The following CSMD3 variants were observed in gnomAD, a reference collection of about 807,000 sequenced individuals.
CSMD3 encodes the protein CUB and sushi domain-containing protein 3.
Under a neutral mutation model 435.2 loss-of-function variants are expected in CSMD3, and 177 were observed. The ratio of observed to expected loss-of-function variants is 0.41; its 90% CI spans 0.36 to 0.46. The LOEUF (loss-of-function observed/expected upper bound fraction) is 0.46, where lower values mean the gene tolerates loss of function less well. Ranked by LOEUF, CSMD3 falls within the 20% of genes least tolerant of loss-of-function variation. The pLI, the probability that CSMD3 is intolerant of heterozygous loss-of-function variation, is 0.34. For missense variants in CSMD3, 4,265 were observed against 4,504.6 expected (o/e 0.95, Z 1.52); for synonymous variants, 1,656 against 1,520.5 (o/e 1.09, Z -2.07).
chr8:113,016,150 G>GGCAAAA (rs2086449543), intron 6 of CSMD3, among the ~76,000 whole-genome samples: 1 of 151,604 alleles, frequency 6.6e-6, no homozygotes, highest in African/African-American at 2.4e-5. Flanking sequence ...AAACTAGGAA[G>GGCAAAA]GCAAAAGATG....
At chr8:112,441,944 A>G (rs553663191) in intron 32 of CSMD3, among the ~76,000 whole-genome samples, 1 of 152,186 alleles carries the variant, frequency 6.6e-6, no homozygotes, top group South Asian at 2.1e-4. Context: ...TTTGGTAAAC[A>G]TTTGAGTACC....
intron 1 of CSMD3, among the ~76,000 whole-genome samples, chr8:113,351,888 A>T (rs531872171): frequency 6.6e-6 from 1 of 152,318 alleles, no homozygotes; most frequent in East Asian, 1.9e-4. Flanking sequence ...CCTGCATAGA[A>T]GAATCTTTCA....
chr8:113,161,069 A>G (rs1309829598), intron 4 of CSMD3, among the ~76,000 whole-genome samples: 3 of 152,118 alleles, frequency 2.0e-5, no homozygotes, highest in African/African-American at 4.8e-5. Flanking sequence ...ACTAAGGTCA[A>G]TATAATAGTC....
Position 112,824,100 on chromosome 8 carries a change from T to C in CSMD3, c.1859+5586A>G, listed in dbSNP as rs536419377. On this transcript the variant is annotated intron_variant, in intron 12 of 70. Coordinates refer to ENST00000297405, the MANE Select transcript of CSMD3 (RefSeq NM_198123.2). ...ATACCCTTCTTTGTCTTTTTTTATC[T>C]TTGTTGGTTTAAAGTCTGTTTTGTC... is the stretch of plus-strand genomic sequence containing the variant. 2.8e-4 allele frequency among the ~76,000 whole-genome samples: 42 copies of C among 152,322 alleles called. No individual in the cohort carries two copies. In the South Asian group the frequency reaches 8.7e-3, roughly 32 times the overall value.
chr8:112,669,049 T>C (rs1242715365), intron 16 of CSMD3, among the ~76,000 whole-genome samples: 4 of 151,916 alleles, frequency 2.6e-5, no homozygotes, highest in Non-Finnish European at 5.9e-5. Flanking sequence ...CTTTTTTTTT[T>C]GAGATGGAGC....
chr8:112,767,458 T>C (rs1228895627), intron 13 of CSMD3, among the ~76,000 whole-genome samples: 1 of 151,786 alleles, frequency 6.6e-6, no homozygotes, highest in African/African-American at 2.4e-5. Context: ...CCATATGGCC[T>C]GGAACCAAAC....
At chr8:113,304,680 C>A (rs1304410837) in intron 2 of CSMD3, among the ~76,000 whole-genome samples, 2 of 130,996 alleles carry the variant, frequency 1.5e-5, no homozygotes, top group Non-Finnish European at 3.2e-5. Context: ...AACCAAACAC[C>A]GCATATTCTC....
At chr8:112,965,997 A>AT (rs2084401473) in intron 7 of CSMD3, among the ~76,000 whole-genome samples, 1 of 151,818 alleles carries the variant, frequency 6.6e-6, no homozygotes, top group South Asian at 2.1e-4. Flanking sequence ...ACAACTTTCC[A>AT]TTAAATAACA....
intron 1 of CSMD3, among the ~76,000 whole-genome samples, chr8:113,317,943 T>C (rs964733044): frequency 6.6e-6 from 1 of 152,202 alleles, no homozygotes; most frequent in Non-Finnish European, 1.5e-5. Context: ...ACACAGCATA[T>C]AGTACGCCTA....
chr8:112,974,298 C>T (rs2084767558), intron 7 of CSMD3, among the ~76,000 whole-genome samples: 2 of 151,820 alleles, frequency 1.3e-5, no homozygotes, highest in Non-Finnish European at 2.9e-5. Context: ...TTTATAACCA[C>T]AAAGTTTATC....
chr8:113,117,456 CT>C (rs1301614698), intron 4 of CSMD3, among the ~76,000 whole-genome samples: 1 of 152,190 alleles, frequency 6.6e-6, no homozygotes. Context: ...CAGAAATTTG[CT>C]GTGGAAGTGG....
At chr8:112,944,760 C>G (rs1470175563) in intron 9 of CSMD3, among the ~76,000 whole-genome samples, 1 of 151,296 alleles carries the variant, frequency 6.6e-6, no homozygotes, top group Non-Finnish European at 1.5e-5. Flanking sequence ...CTTCAGTTAC[C>G]CTTTTAGGTA....
chr8:112,254,206 C>T lies in CSMD3; in HGVS notation c.10110+47G>A, dbSNP rs183449755. ...ATTATATGCATATGAACCAAAGACGCATTCTGACCTAGTATGATGCTAAAT... is the reference window on the plus strand; with the variant it reads ...ATTATATGCATATGAACCAAAGACGTATTCTGACCTAGTATGATGCTAAAT... On this transcript the variant is annotated intron_variant, in intron 63 of 70. Coordinates refer to ENST00000297405, the MANE Select transcript of CSMD3 (RefSeq NM_198123.2). 186 of 1,287,032 alleles carry T rather than the reference C, an allele frequency of 1.4e-4. No individual in the cohort carries two copies. In the African/African-American group the frequency reaches 1.9e-3, roughly 13 times the overall value. 79.7% of individuals were successfully genotyped at this position (1,287,032 alleles called of 1,614,324 possible).
At chr8:112,827,158 AC>A (rs1294463184) in intron 12 of CSMD3, among the ~76,000 whole-genome samples, 4 of 61,918 alleles carry the variant, frequency 6.5e-5, no homozygotes, top group African/African-American at 2.7e-4. Context: ...TTACTAGGTT[AC>A]CATAAATATA....
intron 27 of CSMD3, among the ~76,000 whole-genome samples, chr8:112,520,457 C>T (rs1391254910): frequency 6.6e-6 from 1 of 151,916 alleles, no homozygotes; most frequent in Non-Finnish European, 1.5e-5. Flanking sequence ...CAAACCTATC[C>T]CATTACCAGA....
chr8:113,421,046 T>TC (rs1563805382), intron 1 of CSMD3, among the ~76,000 whole-genome samples: 1 of 151,610 alleles, frequency 6.6e-6, no homozygotes, highest in Non-Finnish European at 1.5e-5. Context: ...TTATAAAACC[T>TC]AAACCTGATG....
chr8:112,525,063 A>C (rs2131034751), intron 27 of CSMD3, among the ~76,000 whole-genome samples: 1 of 151,826 alleles, frequency 6.6e-6, no homozygotes, highest in African/African-American at 2.4e-5. Context: ...TAATTGAGAA[A>C]ATTTCCTCTT....
chr8:112,356,497 G>T (rs1256066200), intron 38 of CSMD3, among the ~76,000 whole-genome samples: 1 of 151,870 alleles, frequency 6.6e-6, no homozygotes, highest in Non-Finnish European at 1.5e-5. Context: ...CAGACACTGG[G>T]GGTTACTTGG....
At chr8:113,220,766 G>C (rs897390459) in intron 3 of CSMD3, among the ~76,000 whole-genome samples, 2 of 151,212 alleles carry the variant, frequency 1.3e-5, no homozygotes, top group Admixed American at 1.3e-4. Flanking sequence ...AATTGCAAAG[G>C]GGGAAGTAAC....
Sources: gnomAD v4.1 joint callset for allele counts (sites outside exome capture counted in the v4.1 genomes callset) on GRCh38, gnomAD v4.1.1 for gene constraint, MANE v1.5 for transcripts, NCBI Gene and HGNC (gene_info 2026-07-23, HGNC 2026-07-21) for gene names.